The following USP25 variants were observed in gnomAD, a reference collection of about 807,000 sequenced individuals.
USP25 encodes the protein ubiquitin carboxyl-terminal hydrolase 25.
A neutral mutation model predicts 158.5 loss-of-function variants in USP25; 85 were observed. That is an observed-to-expected ratio of 0.54 (90% CI 0.45 to 0.64). The LOEUF is 0.64. Ranked by LOEUF, USP25 falls within the 30% of genes least tolerant of loss-of-function variation. The pLI is 0.00. For missense variants in USP25, 1,242 were observed against 1,327.3 expected (o/e 0.94, Z 1.00); for synonymous variants, 464 against 460.4 (o/e 1.01, Z -0.10).
At chr21:15,761,587 C>T (rs976481509) in intron 1 of USP25, among the ~76,000 whole-genome samples, 3 of 152,126 alleles carry the variant, frequency 2.0e-5, no homozygotes, top group East Asian at 1.9e-4. Flanking sequence ...AAGGGAAAAA[C>T]GCCTTAAGTG....
intron 8 of USP25, among the ~76,000 whole-genome samples, chr21:15,809,835 G>A (rs979159136): frequency 1.3e-5 from 2 of 152,130 alleles, no homozygotes; most frequent in African/African-American, 2.4e-5. Context: ...AAGCACAGAA[G>A]TTCTGACATA....
intron 1 of USP25, among the ~76,000 whole-genome samples, chr21:15,754,379 A>G (rs921432252): frequency 3.3e-5 from 5 of 152,188 alleles, no homozygotes; most frequent in Non-Finnish European, 1.5e-5. Flanking sequence ...CAGGCATTAT[A>G]TGTATGTACC....
At chr21:15,754,545 A>G (rs755635252) in intron 1 of USP25, among the ~76,000 whole-genome samples, 1 of 152,170 alleles carries the variant, frequency 6.6e-6, no homozygotes, top group Non-Finnish European at 1.5e-5. Flanking sequence ...TATTATTATA[A>G]TTTGTGGTGA....
At chr21:15,838,665 C>G (rs2038179550) in intron 17 of USP25, among the ~76,000 whole-genome samples, 1 of 152,122 alleles carries the variant, frequency 6.6e-6, no homozygotes, top group Non-Finnish European at 1.5e-5. Flanking sequence ...CACTGTGTAT[C>G]TCTCAAGCAG....
Position 15,845,301 on chromosome 21 carries a change from T to C in USP25, c.2338-2362T>C, listed in dbSNP as rs1201503120. On this transcript the variant is annotated intron_variant, in intron 18 of 25. Coordinates refer to ENST00000400183, the MANE Select transcript of USP25 (RefSeq NM_001283041.3). The stretch of plus-strand genomic sequence containing the variant: ...TGCAGCATATTAACTGAGAAACTTA[T>C]TTTTAACTCTTTTCAAGTTTAGCCT... 2.6e-5 allele frequency among the ~76,000 whole-genome samples: 4 copies of C among 152,272 alleles called. No homozygotes were observed. In the East Asian group the frequency reaches 7.7e-4, roughly 29 times the overall value.
intron 21 of USP25, 41 bp from the exon 22 acceptor site, chr21:15,866,225 A>G: frequency 7.6e-7 from 1 of 1,320,360 alleles, no homozygotes; most frequent in African/African-American, 1.5e-5. Context: ...ATATATACAC[A>G]CACATACACA....
Position 15,864,368 on chromosome 21 carries a change from A to G in USP25, c.2648A>G (p.Gln883Arg). ...RLHHVVVYFI[Q>R]NQAPKKIIEK... is the part of the protein sequence containing the mutation. ...CATCATGTAGTGGTCTACTTTATCC[A>G]GAACCAGGCACCAAAGAAAATTATT... is the stretch of plus-strand genomic sequence containing the variant. The change falls in exon 21 of 26, where the codon CAG (glutamine) becomes CGG (arginine). Residue 883 changes from glutamine to arginine, a missense_variant. Coordinates refer to ENST00000400183, the MANE Select transcript of USP25 (RefSeq NM_001283041.3). 1.2e-6 allele frequency: 2 copies of G among 1,613,172 alleles called. No homozygotes were observed. The highest frequency in any genetic ancestry group is 1.7e-6 in the Non-Finnish European group (2 of 1,179,754).
chr21:15,838,891 C>A (rs75025395), intron 17 of USP25, among the ~76,000 whole-genome samples: 1 of 152,028 alleles, frequency 6.6e-6, no homozygotes, highest in African/African-American at 2.4e-5. Context: ...AAAGCACCCC[C>A]AAACCTCCTC....
intron 1 of USP25, among the ~76,000 whole-genome samples, chr21:15,735,487 T>G (rs957430588): frequency 1.3e-5 from 2 of 152,198 alleles, no homozygotes; most frequent in Non-Finnish European, 2.9e-5. Flanking sequence ...TTATACCATT[T>G]TATATAAGGG....
chr21:15,775,521 CATACTTCT>C (rs2034589852), intron 3 of USP25, among the ~76,000 whole-genome samples: 1 of 152,232 alleles, frequency 6.6e-6, no homozygotes, highest in East Asian at 1.9e-4. Flanking sequence ...AGTTCAAGAA[CATACTTCT>C]ATAGCTGCAG....
chr21:15,768,971 A>G (rs536374121), intron 3 of USP25, among the ~76,000 whole-genome samples: 3 of 152,088 alleles, frequency 2.0e-5, no homozygotes, highest in Non-Finnish European at 4.4e-5. Context: ...CCAAATACAT[A>G]TACCTCTTTG....
chr21:15,821,622 A>G (rs1299321599), intron 10 of USP25, among the ~76,000 whole-genome samples: 4 of 151,996 alleles, frequency 2.6e-5, no homozygotes, highest in East Asian at 1.9e-4. Context: ...GGGGAACTTA[A>G]CTTTTGAAAT....
At chr21:15,810,415 C>G (rs188436098) in intron 8 of USP25, among the ~76,000 whole-genome samples, 362 of 152,180 alleles carry the variant, frequency 2.4e-3, no homozygotes, top group African/African-American at 8.3e-3. Context: ...GTGGATACAA[C>G]GCATTTCTAT....
At chr21:15,767,148 C>T (rs2034086199) in intron 3 of USP25, among the ~76,000 whole-genome samples, 1 of 151,926 alleles carries the variant, frequency 6.6e-6, no homozygotes, top group South Asian at 2.1e-4. Context: ...GTGACTGGGC[C>T]CCCATCCACA....
chr21:15,759,713 G>A (rs2033613306), intron 1 of USP25, among the ~76,000 whole-genome samples: 1 of 152,110 alleles, frequency 6.6e-6, no homozygotes, highest in Non-Finnish European at 1.5e-5. Context: ...CCAGACTTAA[G>A]GTCTGTGTTT....
At chr21:15,841,548 C>T (rs1488736488) in intron 17 of USP25, among the ~76,000 whole-genome samples, 1 of 152,098 alleles carries the variant, frequency 6.6e-6, no homozygotes, top group Non-Finnish European at 1.5e-5. Flanking sequence ...CATTCTTCCA[C>T]CTGGAAAAAC....
chr21:15,781,241 A>G (rs547499343), intron 4 of USP25, among the ~76,000 whole-genome samples: 13 of 152,306 alleles, frequency 8.5e-5, no homozygotes, highest in Middle Eastern at 3.4e-3. Context: ...GGTAGGAATC[A>G]CATGTCTGAC....
In USP25 at chr21:15,735,304, G is replaced by A. The variant is rs960231692; in HGVS notation, c.45+4866G>A. 3.9e-5 allele frequency among the ~76,000 whole-genome samples: 6 copies of A among 152,182 alleles called. No homozygotes were observed. The East Asian group carries it at 9.6e-4, about 24-fold the overall frequency. On this transcript the variant is annotated intron_variant, in intron 1 of 25. Coordinates refer to ENST00000400183, the MANE Select transcript of USP25 (RefSeq NM_001283041.3). ...ATTGAAAATATTCTGGAAAAAAAAA[G>A]CATTGTTGCATCTGTACTGAACATG... is the stretch of plus-strand genomic sequence containing the variant.
At chr21:15,805,040 T>C (rs1288926521) in intron 6 of USP25, 81 bp from the exon 7 acceptor site, 10 of 1,401,202 alleles carry the variant, frequency 7.1e-6, no homozygotes, top group Non-Finnish European at 9.4e-6. Flanking sequence ...TTTTGGTTAC[T>C]GTTAAAATGA....
Sources: gnomAD v4.1 joint callset for allele counts (sites outside exome capture counted in the v4.1 genomes callset) on GRCh38, gnomAD v4.1.1 for gene constraint, MANE v1.5 for transcripts, NCBI Gene and HGNC (gene_info 2026-07-23, HGNC 2026-07-21) for gene names.